The following DLGAP2 variants were observed in gnomAD, a reference collection of about 807,000 sequenced individuals.
The protein encoded by DLGAP2 is DLG associated protein 2, also known as disks large-associated protein 2.
Under a neutral mutation model 100.3 loss-of-function variants are expected in DLGAP2, and 26 were observed. The ratio of observed to expected loss-of-function variants is 0.26; its 90% CI spans 0.19 to 0.36. DLGAP2 has a LOEUF of 0.36. Among genes scored for constraint, DLGAP2 ranks in the 10% least tolerant of loss-of-function variants. The pLI is 1.00. For synonymous variants in DLGAP2, 886 were observed against 630.1 expected (o/e 1.41, Z -6.08); for missense variants, 1,858 against 1,453.2 (o/e 1.28, Z -4.53).
At chr8:1,279,528 A>G (rs569165452) in intron 3 of DLGAP2, among the ~76,000 whole-genome samples, 4 of 152,366 alleles carry the variant, frequency 2.6e-5, no homozygotes, top group African/African-American at 9.6e-5. Flanking sequence ...TTAGATTTCT[A>G]TGGCTGCATA....
intron 2 of DLGAP2, among the ~76,000 whole-genome samples, chr8:997,825 C>T (rs955103680): frequency 6.6e-6 from 1 of 152,162 alleles, no homozygotes; most frequent in Admixed American, 6.5e-5. Flanking sequence ...TGCATACATA[C>T]AAACACGCAT....
chr8:1,296,850 G>A (rs983496025), intron 3 of DLGAP2, among the ~76,000 whole-genome samples: 6 of 152,332 alleles, frequency 3.9e-5, no homozygotes, highest in South Asian at 2.1e-4. Context: ...ACAGTGCTGC[G>A]GAGGGGATGT....
chr8:1,214,180 G>T (rs1188603423), intron 2 of DLGAP2, among the ~76,000 whole-genome samples: 1 of 152,068 alleles, frequency 6.6e-6, no homozygotes, highest in East Asian at 1.9e-4. Context: ...TCCCAGAACT[G>T]CCACCCAGCA....
At chr8:842,606 C>T (rs7000358) in intron 1 of DLGAP2, among the ~76,000 whole-genome samples, 18,972 of 139,878 alleles carry the variant, frequency 0.14, 1,296 homozygotes, top group East Asian at 0.28. Flanking sequence ...TTTCAGGGAA[C>T]GTTTACGAAT....
rs1431422957 is a variant in DLGAP2, at chr8:1,548,608, G to A, written c.173-18G>A. ...GCCGCGCTTCCGGGTGTTCAATGCC[G>A]TTTCTGTTTCCCCACAGACCCGCAG... On this transcript the variant is annotated intron_variant, in intron 4 of 14. Transcript: ENST00000637795. 3.4e-6 allele frequency: 5 copies of A among 1,476,920 alleles called. No homozygotes were observed. Among genetic ancestry groups the A allele is most frequent in the African/African-American group, 1.4e-5 (1 of 70,416 alleles). 91.5% of individuals were successfully genotyped at this position (1,476,920 alleles called of 1,614,324 possible).
chr8:1,128,947 G>A (rs2129048785), intron 2 of DLGAP2, among the ~76,000 whole-genome samples: 1 of 152,274 alleles, frequency 6.6e-6, no homozygotes, highest in South Asian at 2.1e-4. Context: ...CGGTGTGTGT[G>A]TCTCAGGACA....
At chr8:824,604 G>C (rs963872020) in intron 1 of DLGAP2, among the ~76,000 whole-genome samples, 6 of 151,976 alleles carry the variant, frequency 3.9e-5, no homozygotes, top group Admixed American at 6.6e-5. Context: ...CTGGCTCCGG[G>C]AGCTTCCCCT....
intron 2 of DLGAP2, among the ~76,000 whole-genome samples, chr8:948,286 C>T (rs1799382841): frequency 6.6e-6 from 1 of 152,236 alleles, no homozygotes; most frequent in Non-Finnish European, 1.5e-5. Flanking sequence ...TGCTGTGATG[C>T]CACTGGCCTC....
chr8:1,294,069 C>G (rs900712787), intron 3 of DLGAP2, among the ~76,000 whole-genome samples: 4 of 152,154 alleles, frequency 2.6e-5, no homozygotes, highest in Non-Finnish European at 5.9e-5. Context: ...TGGACTCGCC[C>G]TCGCTTCCTG....
chr8:931,548 A>G (rs899080775), intron 2 of DLGAP2, among the ~76,000 whole-genome samples: 1 of 152,130 alleles, frequency 6.6e-6, no homozygotes, highest in Admixed American at 6.5e-5. Flanking sequence ...ACTTGTCATG[A>G]TGTTCTTCCT....
intron 3 of DLGAP2, among the ~76,000 whole-genome samples, chr8:1,442,164 G>A (rs976665232): frequency 1.2e-4 from 18 of 151,576 alleles, no homozygotes; most frequent in South Asian, 2.1e-4. Flanking sequence ...TCAGCCACTG[G>A]AGGAGGAGAT....
rs567471018 is a variant in DLGAP2 at position 1,684,344 on chromosome 8, C to T, written c.2704+5715C>T. Among the ~76,000 whole-genome samples the T allele has an allele frequency of 1.1e-4, 17 of 152,098 alleles. No homozygotes were observed. In the East Asian group the frequency reaches 2.3e-3, roughly 21 times the overall value. On this transcript the variant is annotated intron_variant, in intron 12 of 14. Transcript: ENST00000637795. ...TTGTCCATAAAACTAGCACAATATT[C>T]ATCAAGTTCAGATATTTCCCTAAAT... is the stretch of plus-strand genomic sequence containing the variant.
chr8:874,435 T>G (rs1441954039), intron 1 of DLGAP2, among the ~76,000 whole-genome samples: 1 of 152,138 alleles, frequency 6.6e-6, no homozygotes, highest in Non-Finnish European at 1.5e-5. Context: ...ATTTTCTAAT[T>G]TCCTTTGGGA....
chr8:1,695,768 T>G (rs1351666535), intron 13 of DLGAP2, among the ~76,000 whole-genome samples: 1 of 152,254 alleles, frequency 6.6e-6, no homozygotes, highest in Non-Finnish European at 1.5e-5. Flanking sequence ...GCTTGTCACC[T>G]GGCCTGGCCT....
At chr8:1,168,109 C>T (rs1195868349) in intron 2 of DLGAP2, among the ~76,000 whole-genome samples, 1 of 144,426 alleles carries the variant, frequency 6.9e-6, no homozygotes, top group African/African-American at 2.6e-5. Context: ...TCAGTTCCCA[C>T]CTATGAGTGA....
At chr8:840,562 C>T (rs1479701276) in intron 1 of DLGAP2, among the ~76,000 whole-genome samples, 1 of 79,386 alleles carries the variant, frequency 1.3e-5, no homozygotes. Flanking sequence ...TCTGCGAGCG[C>T]GTCCACACGG....
intron 1 of DLGAP2, among the ~76,000 whole-genome samples, chr8:801,206 G>T (rs1796145128): frequency 1.3e-5 from 2 of 152,218 alleles, no homozygotes; most frequent in African/African-American, 4.8e-5. Flanking sequence ...CACGCAGAGT[G>T]GCAAGCAGCC....
chr8:1,213,074 A>G (rs1317913995), intron 2 of DLGAP2, among the ~76,000 whole-genome samples: 4 of 152,148 alleles, frequency 2.6e-5, no homozygotes, highest in African/African-American at 7.2e-5. Context: ...AGTATCCAGC[A>G]TCTTAGCAAA....
chr8:1,408,068 C>A (rs1210104210), intron 3 of DLGAP2, among the ~76,000 whole-genome samples: 1 of 152,166 alleles, frequency 6.6e-6, no homozygotes, highest in African/African-American at 2.4e-5. Context: ...GTGCCAAATG[C>A]CCCCCAGGGG....
Sources: allele counts gnomAD v4.1 joint callset (sites outside exome capture counted in the v4.1 genomes callset), GRCh38; gene constraint gnomAD v4.1.1; transcripts MANE v1.5; gene names NCBI Gene and HGNC (gene_info 2026-07-23, HGNC 2026-07-21).